VWA3B: variants seen among roughly 807,000 people sequenced by gnomAD.
VWA3B encodes the protein von Willebrand factor A domain-containing protein 3B.
A neutral mutation model predicts 158.3 loss-of-function variants in VWA3B; 138 were observed. That is an observed-to-expected ratio of 0.87 (90% CI 0.76 to 1.00). VWA3B has a LOEUF of 1.00. Ranked by LOEUF, VWA3B falls within the 50% of genes least tolerant of loss-of-function variation. VWA3B has a pLI of 0.00. For missense variants in VWA3B, 1,555 were observed against 1,565.1 expected, an observed-to-expected ratio of 0.99 and a Z score of 0.11; for synonymous variants, 596 against 587.3, an observed-to-expected ratio of 1.01 and a Z score of -0.21.
chr2:98,129,224 A>AGT (rs1228441504), intron 6 of VWA3B, among the ~76,000 whole-genome samples: 7,409 of 124,582 alleles, frequency 0.059, 275 homozygotes, highest in South Asian at 0.088. Context: ...AGAGAGAGAG[A>AGT]GTGTGTGTGT....
chr2:98,137,551 G>C (rs1215569134), intron 7 of VWA3B, among the ~76,000 whole-genome samples: 2 of 152,130 alleles, frequency 1.3e-5, no homozygotes, highest in Non-Finnish European at 2.9e-5. Context: ...TGGAGCCTGA[G>C]GCAAGAGGAG....
the VWA3B span, among the ~76,000 whole-genome samples, chr2:98,319,176 A>G: frequency 6.6e-6 from 1 of 152,192 alleles, no homozygotes; most frequent in East Asian, 1.9e-4. Flanking sequence ...AATTAGATCC[A>G]TGCCTCACAC....
chr2:98,280,112 C>T (rs1265379082), intron 22 of VWA3B, among the ~76,000 whole-genome samples: 8 of 152,158 alleles, frequency 5.3e-5, no homozygotes, highest in African/African-American at 9.7e-5. Flanking sequence ...GTATCAGGAA[C>T]GCGAAATTAC....
intron 12 of VWA3B, chr2:98,207,617 T>A (rs1031398544): frequency 4.2e-6 from 2 of 478,502 alleles, no homozygotes; most frequent in African/African-American, 4.0e-5. Context: ...ATTAAAGGAT[T>A]TCAGCAGATT....
intron 8 of VWA3B, among the ~76,000 whole-genome samples, chr2:98,163,773 A>G (rs1004845818): frequency 3.9e-5 from 6 of 152,136 alleles, no homozygotes; most frequent in Non-Finnish European, 7.4e-5. Flanking sequence ...CTTTCAGGAG[A>G]GAGGCCAGTG....
rs369549458 is a variant in VWA3B, at chr2:98,115,101, C to CT, written c.197-534dup. 8.4e-3 allele frequency among the ~76,000 whole-genome samples: 1,105 copies of CT among 131,620 alleles called. 7 individuals are homozygous for CT. The highest frequency in any genetic ancestry group is 0.021 in the East Asian group (96 of 4,616). The allele number at this position is 131,620 out of a possible 152,430, so 86.3% of individuals were successfully genotyped here. On this transcript the variant is annotated intron_variant, in intron 2 of 27. Transcript: ENST00000477737. ...AAGTCACGAATAACTTCCTATGTTG[C>CT]TTTTTTTTTTTTTTTTTAACCTCTG...
chr2:98,181,752 C>A (rs1210156593), intron 9 of VWA3B, among the ~76,000 whole-genome samples: 2 of 152,174 alleles, frequency 1.3e-5, no homozygotes, highest in African/African-American at 4.8e-5. Flanking sequence ...TCTCCTAGTG[C>A]CTGACTCTGG....
chr2:98,303,961 G>A (rs1161283233), intron 26 of VWA3B, among the ~76,000 whole-genome samples, 159 bp downstream of exon 26: 3 of 152,138 alleles, frequency 2.0e-5, no homozygotes, highest in African/African-American at 4.8e-5. Flanking sequence ...TTATTCCTTC[G>A]ACGTCACACC....
rs769173174 is a variant in VWA3B at position 98,121,492 on chromosome 2, G to T, written c.702+34G>T. 10 of 1,601,654 alleles carry T rather than the reference G, an allele frequency of 6.2e-6. No homozygotes were observed. The South Asian group carries it at 8.8e-5, about 14-fold the overall frequency. On this transcript the variant is annotated intron_variant, in intron 5 of 27. Coordinates refer to ENST00000477737, the MANE Select transcript of VWA3B (RefSeq NM_144992.5). ...GTGTTCATGGCTGGCCCCAGGCCAT[G>T]GAGGTGGCTTCCAGCTTAACTCTTC...
At chr2:98,321,904 CAT>C in the VWA3B span, among the ~76,000 whole-genome samples, 5 of 152,148 alleles carry the variant, frequency 3.3e-5, no homozygotes, top group Non-Finnish European at 5.9e-5. Context: ...ATAATTCCCA[CAT>C]GTCATGGGAG....
intron 8 of VWA3B, among the ~76,000 whole-genome samples, chr2:98,163,189 A>T (rs527489936): frequency 5.9e-5 from 9 of 152,256 alleles, no homozygotes; most frequent in African/African-American, 1.9e-4. Flanking sequence ...CCACGTGCTC[A>T]CATGTGTGCA....
intron 23 of VWA3B, 26 bp downstream of exon 23, chr2:98,290,648 G>A (rs778437960): frequency 6.8e-7 from 1 of 1,466,688 alleles, no homozygotes; most frequent in South Asian, 1.3e-5. Context: ...TTAATTTCGT[G>A]AGGCTTTTGT....
chr2:98,204,032 G>C (rs1374094032), intron 12 of VWA3B, among the ~76,000 whole-genome samples: 1 of 152,196 alleles, frequency 6.6e-6, no homozygotes, highest in African/African-American at 2.4e-5. Flanking sequence ...AAGTATACAT[G>C]AGGATTGTAT....
chr2:98,119,300 G>A (rs897088857), intron 3 of VWA3B, among the ~76,000 whole-genome samples: 11 of 152,082 alleles, frequency 7.2e-5, no homozygotes, highest in South Asian at 6.2e-4. Context: ...AAGGACTGCT[G>A]TATTTTGAAT....
In VWA3B at chr2:98,312,456, C is replaced by T; in HGVS notation, c.*107C>T. ...CCTCCGCGGAGGTAAGGCCGCCCTC[C>T]GCGCCGCCTATGCCTGCCCTGTCTG... On this transcript the variant is annotated 3_prime_UTR_variant, in exon 28 of 28. Transcript: ENST00000477737. The T allele has an allele frequency of 7.2e-7, 1 of 1,394,412 alleles. No homozygotes were observed. Among genetic ancestry groups the T allele is most frequent in the South Asian group, 1.4e-5 (1 of 69,868 alleles). The allele number at this position is 1,394,412 out of a possible 1,614,324, so 86.4% of individuals were successfully genotyped here.
intron 24 of VWA3B, among the ~76,000 whole-genome samples, chr2:98,298,990 G>A (rs1201838251): frequency 6.6e-6 from 1 of 152,192 alleles, no homozygotes; most frequent in African/African-American, 2.4e-5. Context: ...TCTGAGCCGG[G>A]GTGGAAAGGG....
At chr2:98,224,753 T>A (rs75878408) in intron 14 of VWA3B, among the ~76,000 whole-genome samples, 2 of 146,292 alleles carry the variant, frequency 1.4e-5, no homozygotes, top group African/African-American at 2.5e-5. Context: ...CAGTGTGAAT[T>A]AAAAAAAAAA....
chr2:98,198,668 C>G (rs1001103191), intron 12 of VWA3B, among the ~76,000 whole-genome samples: 4 of 152,124 alleles, frequency 2.6e-5, no homozygotes, highest in Non-Finnish European at 5.9e-5. Flanking sequence ...TCCTCATATG[C>G]CCCTTTGTCA....
At chr2:98,214,295 C>CA (rs1183344058) in intron 13 of VWA3B, among the ~76,000 whole-genome samples, 2 of 151,412 alleles carry the variant, frequency 1.3e-5, no homozygotes, top group African/African-American at 4.9e-5. Flanking sequence ...TCCCATCTAA[C>CA]ATATCACATG....
Sources: gnomAD v4.1 joint callset for allele counts (sites outside exome capture counted in the v4.1 genomes callset) on GRCh38, gnomAD v4.1.1 for gene constraint, MANE v1.5 for transcripts, NCBI Gene and HGNC (gene_info 2026-07-23, HGNC 2026-07-21) for gene names.